The following RSRC1 variants were observed in gnomAD, a reference collection of about 807,000 sequenced individuals.
RSRC1 encodes arginine and serine rich coiled-coil 1.
Under a neutral mutation model 49.1 loss-of-function variants are expected in RSRC1, and 39 were observed. The ratio of observed to expected loss-of-function variants is 0.79; its 90% CI spans 0.61 to 1.04. The LOEUF (loss-of-function observed/expected upper bound fraction) is 1.04. Among genes scored for constraint, RSRC1 ranks in the 50% least tolerant of loss-of-function variants. The pLI is 0.00. For synonymous variants in RSRC1, 143 were observed against 130.8 expected (o/e 1.09, Z -0.63); for missense variants, 388 against 402.4 (o/e 0.96, Z 0.31).
At chr3:158,519,404 AGTTCAGACTGAGT>A (rs1711538881) in intron 7 of RSRC1, among the ~76,000 whole-genome samples, 1 of 151,904 alleles carries the variant, frequency 6.6e-6, no homozygotes, top group African/African-American at 2.4e-5. Context: ...ACCAGTGGCT[AGTTCAGACTGAGT>A]GCTCTGGGAA....
chr3:158,474,613 ACTT>A (rs957513936), intron 7 of RSRC1, among the ~76,000 whole-genome samples: 45 of 152,292 alleles, frequency 3.0e-4, no homozygotes, highest in Middle Eastern at 3.4e-3. Context: ...TTATCGTAGA[ACTT>A]CTTCTTTCAA....
intron 1 of RSRC1, among the ~76,000 whole-genome samples, chr3:158,118,475 G>GT (rs1553757343): frequency 6.6e-6 from 1 of 150,446 alleles, no homozygotes; most frequent in Non-Finnish European, 1.5e-5. Flanking sequence ...GCGTGCGCGT[G>GT]GTTTTTTTAA....
At chr3:158,254,068 A>C (rs1578247786) in intron 4 of RSRC1, among the ~76,000 whole-genome samples, 1 of 152,260 alleles carries the variant, frequency 6.6e-6, no homozygotes, top group African/African-American at 2.4e-5. Context: ...TTCCAGCTTC[A>C]TCCATGTCCC....
At chr3:158,120,254 CTTCCCAGTGTTTTG>C (rs1715157197) in intron 1 of RSRC1, among the ~76,000 whole-genome samples, 1 of 152,090 alleles carries the variant, frequency 6.6e-6, no homozygotes, top group Non-Finnish European at 1.5e-5. Context: ...AAAACCAAGT[CTTCCCAGTGTTTTG>C]TTAAACTAAA....
At chr3:158,286,650 G>C (rs1726581080) in intron 4 of RSRC1, among the ~76,000 whole-genome samples, 2 of 152,150 alleles carry the variant, frequency 1.3e-5, no homozygotes, top group African/African-American at 4.8e-5. Context: ...TTATTTCCTA[G>C]CACTATTAGA....
At chr3:158,166,477 A>G (rs1166664577) in intron 3 of RSRC1, among the ~76,000 whole-genome samples, 1 of 152,184 alleles carries the variant, frequency 6.6e-6, no homozygotes, top group East Asian at 1.9e-4. Flanking sequence ...CTAATAAAAT[A>G]ACGGTCAATT....
intron 3 of RSRC1, among the ~76,000 whole-genome samples, chr3:158,195,580 A>G (rs1025404643): frequency 2.8e-4 from 42 of 152,280 alleles, no homozygotes; most frequent in African/African-American, 9.9e-4. Context: ...GCCCATGCCT[A>G]TGTCCTGAAT....
At chr3:158,199,788 G>A (rs1413638172) in intron 3 of RSRC1, among the ~76,000 whole-genome samples, 2 of 151,950 alleles carry the variant, frequency 1.3e-5, no homozygotes, top group Non-Finnish European at 2.9e-5. Flanking sequence ...ATTTAAAAGT[G>A]GATTATTTGG....
intron 6 of RSRC1, 55 bp downstream of exon 6, chr3:158,354,963 G>C (rs1246344923): frequency 5.5e-5 from 67 of 1,210,068 alleles, no homozygotes; most frequent in Non-Finnish European, 7.4e-5. Context: ...TAAACCCTAG[G>C]CTGGTAGCAT....
rs555258620 is a variant in RSRC1, at chr3:158,139,781, G to A, written c.320+15790G>A. ...CCCGAGTAGCTGAGATGACAGGCGT[G>A]TGCCACCACGCCCAGCTAATTTCTG... On this transcript the variant is annotated intron_variant, in intron 3 of 9. Coordinates refer to ENST00000611884, the MANE Select transcript of RSRC1 (RefSeq NM_001271838.2). Among the ~76,000 whole-genome samples the A allele has an allele frequency of 3.5e-4, 53 of 152,062 alleles. 1 individual carries two copies. In the South Asian group the frequency reaches 0.01, roughly 29 times the overall value.
At chr3:158,326,342 T>G (rs1214994159) in intron 5 of RSRC1, among the ~76,000 whole-genome samples, 1 of 152,216 alleles carries the variant, frequency 6.6e-6, no homozygotes, top group Non-Finnish European at 1.5e-5. Context: ...TTTTTGCCCA[T>G]TCAGTATGAT....
intron 3 of RSRC1, among the ~76,000 whole-genome samples, chr3:158,128,333 C>T (rs1159340315): frequency 1.3e-5 from 2 of 152,160 alleles, no homozygotes; most frequent in South Asian, 2.1e-4. Context: ...TGAGGTTGTA[C>T]TTGGCTTTGC....
intron 7 of RSRC1, among the ~76,000 whole-genome samples, chr3:158,487,949 G>GGAAAAAAAA (rs1553814781): frequency 0.033 from 957 of 28,846 alleles, 129 homozygotes; most frequent in Middle Eastern, 0.071. Flanking sequence ...TCCATCTCAA[G>GGAAAAAAAA]AAAAAAAAAA....
chr3:158,414,496 CACATG>C (rs1734637474), intron 6 of RSRC1, among the ~76,000 whole-genome samples: 1 of 152,082 alleles, frequency 6.6e-6, no homozygotes, highest in South Asian at 2.1e-4. Flanking sequence ...CCCACTGTGG[CACATG>C]TTTACCTGTG....
At chr3:158,120,525 A>G (rs1380356202) in intron 1 of RSRC1, among the ~76,000 whole-genome samples, 1 of 147,918 alleles carries the variant, frequency 6.8e-6, no homozygotes, top group Non-Finnish European at 1.5e-5. Context: ...TGTATTAATT[A>G]TTAAATATAT....
At chr3:158,442,019 C>CAAT (rs1407622017) in intron 6 of RSRC1, among the ~76,000 whole-genome samples, 3 of 152,104 alleles carry the variant, frequency 2.0e-5, no homozygotes, top group Non-Finnish European at 2.9e-5. Context: ...GTACTGTAGT[C>CAAT]TATTAAGTGT....
intron 3 of RSRC1, among the ~76,000 whole-genome samples, chr3:158,192,590 C>T (rs1720311371): frequency 6.6e-6 from 1 of 151,920 alleles, no homozygotes; most frequent in Non-Finnish European, 1.5e-5. Context: ...TTGCAGTATC[C>T]CGTTTTTCTA....
At chr3:158,460,087 A>C (rs1233544748) in intron 6 of RSRC1, among the ~76,000 whole-genome samples, 1 of 151,934 alleles carries the variant, frequency 6.6e-6, no homozygotes, top group Non-Finnish European at 1.5e-5. Context: ...TCCAAAGTTT[A>C]ATGCTGGCAC....
At chr3:158,111,164 A>C (rs979282328) in intron 1 of RSRC1, among the ~76,000 whole-genome samples, 1 of 152,244 alleles carries the variant, frequency 6.6e-6, no homozygotes, top group Non-Finnish European at 1.5e-5. Flanking sequence ...TCCCAGGTTT[A>C]AGATTTGGAG....
Sources: allele counts gnomAD v4.1 joint callset (sites outside exome capture counted in the v4.1 genomes callset), GRCh38; gene constraint gnomAD v4.1.1; transcripts MANE v1.5; gene names NCBI Gene and HGNC (gene_info 2026-07-23, HGNC 2026-07-21).